The following LRRC52 variants were observed in gnomAD, a reference collection of about 807,000 sequenced individuals.
LRRC52 encodes the protein leucine-rich repeat-containing protein 52.
LRRC52 carries 15 observed loss-of-function variants against 14.7 expected under a neutral mutation model. The ratio of observed to expected loss-of-function variants is 1.02; its 90% CI spans 0.68 to 1.58. LRRC52 has a LOEUF of 1.58. Ranked by LOEUF, LRRC52 falls within the 40% of genes most tolerant of loss-of-function variation. LRRC52 has a pLI of 0.00. For missense variants in LRRC52, 400 were observed against 387.7 expected, an observed-to-expected ratio of 1.03 and a Z score of -0.27; for synonymous variants, 180 against 163.9, an observed-to-expected ratio of 1.10 and a Z score of -0.75.
At position 165,552,951 on chromosome 1, in the gene LRRC52, A is replaced by G. The variant is rs146647109; in HGVS notation, c.622+8033A>G. 2.9e-3 allele frequency among the ~76,000 whole-genome samples: 441 copies of G among 152,328 alleles called. 2 individuals are homozygous for G. The highest frequency in any genetic ancestry group is 0.01 in the African/African-American group (427 of 41,570). On this transcript the variant is annotated intron_variant, in intron 1 of 1. Transcript: ENST00000294818. ...ACACACTTGGAGGAGGGCAGTGAGGAAGTCAGGCTAGAAGTCAAGTCCCAT... is the reference window on the plus strand; with the variant it reads ...ACACACTTGGAGGAGGGCAGTGAGGGAGTCAGGCTAGAAGTCAAGTCCCAT...
At position 165,563,807 on chromosome 1, in the gene LRRC52, T is replaced by C; in HGVS notation, c.925T>C (p.Phe309Leu). ...FQTQTSSVQE[F>L]PQLI ...AACCCAGACGAGCTCGGTCCAGGAG[T>C]TCCCTCAGCTTATTTAGTTGCCAGA... The change falls in exon 2 of 2, where the codon TTC becomes CTC. Residue 309 changes from phenylalanine (F) to leucine (L), a missense_variant. Transcript: ENST00000294818. 1 of 1,613,384 alleles carries C rather than the reference T, an allele frequency of 6.2e-7. No homozygotes were observed. The highest frequency in any genetic ancestry group is 2.2e-5 in the East Asian group (1 of 44,856).
intron 1 of LRRC52, among the ~76,000 whole-genome samples, chr1:165,557,445 G>C (rs1052136479): frequency 2.0e-5 from 3 of 152,174 alleles, no homozygotes; most frequent in Non-Finnish European, 4.4e-5. Flanking sequence ...CATTACGTCA[G>C]GGACAGTGAG....
intron 1 of LRRC52, among the ~76,000 whole-genome samples, chr1:165,557,423 C>T (rs1305774991): frequency 6.6e-6 from 1 of 152,210 alleles, no homozygotes; most frequent in Non-Finnish European, 1.5e-5. Context: ...GGTTCCCTTT[C>T]CTCCACCTGA....
At chr1:165,552,789 C>T (rs758162872) in intron 1 of LRRC52, among the ~76,000 whole-genome samples, 7 of 152,204 alleles carry the variant, frequency 4.6e-5, no homozygotes, top group Non-Finnish European at 7.3e-5. Context: ...GAAACAAGCA[C>T]AGGCCTGACA....
intron 1 of LRRC52, among the ~76,000 whole-genome samples, chr1:165,557,579 G>C (rs1014950798): frequency 1.3e-5 from 2 of 152,170 alleles, no homozygotes; most frequent in African/African-American, 4.8e-5. Context: ...GTAATCTAAT[G>C]AGTGGAGTCA....
intron 1 of LRRC52, among the ~76,000 whole-genome samples, chr1:165,562,965 T>C (rs954816954): frequency 1.3e-5 from 2 of 152,020 alleles, no homozygotes; most frequent in Non-Finnish European, 2.9e-5. Context: ...AAGCCTATAG[T>C]TGAGTGGCTT....
chr1:165,555,483 G>T lies in LRRC52; in HGVS notation c.623-8022G>T, dbSNP rs552692336. ...GTAGATAGGCCATGGAGAGGCTTTT[G>T]ATTTTATTCTAAGTGTGATGGGAAG... On this transcript the variant is annotated intron_variant, in intron 1 of 1. Coordinates refer to ENST00000294818, the MANE Select transcript of LRRC52 (RefSeq NM_001005214.4). 2.0e-5 allele frequency among the ~76,000 whole-genome samples: 3 copies of T among 152,298 alleles called. No homozygotes were observed. In the East Asian group the frequency reaches 5.8e-4, roughly 29 times the overall value.
intron 1 of LRRC52, among the ~76,000 whole-genome samples, chr1:165,556,990 T>C (rs575195751): frequency 2.8e-4 from 42 of 152,290 alleles, no homozygotes; most frequent in African/African-American, 9.6e-4. Context: ...CATCAGAGTT[T>C]TAAAAGTGCT....
chr1:165,544,207 C>A lies in LRRC52; in HGVS notation c.-90C>A. ...AGTGTTACAGTTCTTTCCAGAGCCC[C>A]TCCCCCGCCCCACCCCCCCACCGGC... On this transcript the variant is annotated 5_prime_UTR_variant, in exon 1 of 2. Transcript: ENST00000294818. The A allele has an allele frequency of 1.9e-6, 2 of 1,055,942 alleles. 1 individual carries two copies. Among genetic ancestry groups the A allele is most frequent in the Non-Finnish European group, 2.7e-6 (2 of 754,268 alleles). 65.4% of individuals were successfully genotyped at this position (1,055,942 alleles called of 1,614,324 possible).
chr1:165,556,380 A>G (rs1357814382), intron 1 of LRRC52, among the ~76,000 whole-genome samples: 2 of 93,398 alleles, frequency 2.1e-5, no homozygotes, highest in Non-Finnish European at 5.4e-5. Flanking sequence ...TATAGACTCT[A>G]TATACAAGGG....
At chr1:165,558,059 T>G (rs2101831923) in intron 1 of LRRC52, among the ~76,000 whole-genome samples, 1 of 152,300 alleles carries the variant, frequency 6.6e-6, no homozygotes, top group Middle Eastern at 3.4e-3. Flanking sequence ...GGTTCAATAC[T>G]GTTTTCTGAA....
At chr1:165,555,884 C>G (rs1029562888) in intron 1 of LRRC52, among the ~76,000 whole-genome samples, 51 of 152,206 alleles carry the variant, frequency 3.4e-4, no homozygotes, top group African/African-American at 1.2e-3. Context: ...CTGGATTTTT[C>G]TGAGCAGATG....
At chr1:165,549,195 G>A (rs1324612294) in intron 1 of LRRC52, among the ~76,000 whole-genome samples, 1 of 152,172 alleles carries the variant, frequency 6.6e-6, no homozygotes, top group Non-Finnish European at 1.5e-5. Context: ...TCTCAGCCTG[G>A]GCCATGAGAC....
At chr1:165,551,708 G>A (rs560598327) in intron 1 of LRRC52, among the ~76,000 whole-genome samples, 18 of 152,236 alleles carry the variant, frequency 1.2e-4, no homozygotes, top group South Asian at 2.1e-4. Context: ...GAGCAGATGG[G>A]TTGAGTCATG....
chr1:165,556,297 T>A (rs6700280), intron 1 of LRRC52, among the ~76,000 whole-genome samples: 96,065 of 152,182 alleles, frequency 0.63, 32,642 homozygotes, highest in East Asian at 0.87. Flanking sequence ...ATAATCAGGT[T>A]GAACTTGCTA....
rs143389898 is a variant in LRRC52 at position 165,545,227 on chromosome 1, G to A, written c.622+309G>A. Among the ~76,000 whole-genome samples, 1,003 of 152,148 alleles carry A rather than the reference G, an allele frequency of 6.6e-3. 2 individuals carry two copies. The highest frequency in any genetic ancestry group is 0.01 in the Middle Eastern group (3 of 294). On this transcript the variant is annotated intron_variant, in intron 1 of 1. Transcript: ENST00000294818. ...AGTGGGGACAATAATATTACCTAAG[G>A]CACAGAGTTGCATCAAATATATGAT... is the stretch of plus-strand genomic sequence containing the variant.
rs1660961165 is a variant in LRRC52 at position 165,544,157 on chromosome 1, G to A, written c.-140G>A. 1 of 1,089,924 alleles carries A rather than the reference G, an allele frequency of 9.2e-7. No homozygotes were observed. Among genetic ancestry groups the A allele is most frequent in the African/African-American group, 1.6e-5 (1 of 63,842 alleles). The allele number at this position is 1,089,924 out of a possible 1,614,324, so 67.5% of individuals were successfully genotyped here. ...AATTTCTGTTCAGTTCTCCTGTAAT[G>A]GAAAATTGCTTTGCACAAAGCTAAA... On this transcript the variant is annotated 5_prime_UTR_variant, in exon 1 of 2. The change abolishes an upstream ATG in the 5' untranslated region. Transcript: ENST00000294818.
rs760771607 is a variant in LRRC52, at chr1:165,544,432, G to A, written c.136G>A (p.Glu46Lys). The change falls in exon 1 of 2, where the codon GAA (glutamate) becomes AAA (lysine). Residue 46 changes from glutamate (E) to lysine (K), a missense_variant. By Grantham distance (56) the Glu-to-Lys change is moderately conservative (BLOSUM62 1). Coordinates refer to ENST00000294818, the MANE Select transcript of LRRC52 (RefSeq NM_001005214.4). ...AATCTGCACAGGGAAGCAGTTAACC[G>A]AATACCCCCTTGACATACCCCTGAA... ...EVICTGKQLT[E>K]YPLDIPLNTR... 17 of 1,614,086 alleles carry A rather than the reference G, an allele frequency of 1.1e-5. No individual in the cohort carries two copies. Among genetic ancestry groups the A allele is most frequent in the Admixed American group, 3.3e-5 (2 of 60,018 alleles).
At chr1:165,563,452 A>T (rs1179029550) in intron 1 of LRRC52, 53 bp from the exon 2 acceptor site, 12 of 1,525,326 alleles carry the variant, frequency 7.9e-6, no homozygotes, top group Non-Finnish European at 1.1e-5. Context: ...TGGCCTTAGG[A>T]CGCTGGGAGT....
Sources: allele counts gnomAD v4.1 joint callset (sites outside exome capture counted in the v4.1 genomes callset), GRCh38; gene constraint gnomAD v4.1.1; transcripts MANE v1.5; gene names NCBI Gene and HGNC (gene_info 2026-07-23, HGNC 2026-07-21).